Variants in ACTR2 observed in about 807,000 individuals in gnomAD.
The protein encoded by ACTR2 is actin-related protein 2.
ACTR2 carries 5 observed loss-of-function variants against 50.2 expected under a neutral mutation model. The ratio of observed to expected loss-of-function variants is 0.10; its 90% CI spans 0.05 to 0.21. ACTR2 has a LOEUF of 0.21. Among genes scored for constraint, ACTR2 ranks in the 10% least tolerant of loss-of-function variants. The pLI, the probability that ACTR2 is intolerant of heterozygous loss-of-function variation, is 1.00. For missense variants in ACTR2, 180 were observed against 480.6 expected, an observed-to-expected ratio of 0.37 and a Z score of 5.85; for synonymous variants, 140 against 162.9, an observed-to-expected ratio of 0.86 and a Z score of 1.07.
intron 8 of ACTR2, among the ~76,000 whole-genome samples, chr2:65,265,647 G>C (rs1196253268): frequency 1.3e-5 from 2 of 152,266 alleles, no homozygotes; most frequent in Admixed American, 1.3e-4. Flanking sequence ...TTGCATTCCG[G>C]TGACTGTCAT....
chr2:65,248,158 C>T (rs1264689703), intron 3 of ACTR2, among the ~76,000 whole-genome samples: 2 of 151,908 alleles, frequency 1.3e-5, no homozygotes, highest in Non-Finnish European at 2.9e-5. Flanking sequence ...CCCAGCACTT[C>T]TGGGAGGCCG....
chr2:65,263,455 TC>T (rs1250938093), intron 7 of ACTR2, among the ~76,000 whole-genome samples: 3 of 152,114 alleles, frequency 2.0e-5, no homozygotes, highest in African/African-American at 7.2e-5. Context: ...AGAAATCCCT[TC>T]TCTACACTCA....
chr2:65,251,520 C>T (rs1672050933), intron 4 of ACTR2, among the ~76,000 whole-genome samples: 1 of 152,162 alleles, frequency 6.6e-6, no homozygotes, highest in Admixed American at 6.5e-5. Flanking sequence ...TGCCACCACA[C>T]CTGGCTAATT....
chr2:65,235,059 G>A (rs926702770), intron 1 of ACTR2, among the ~76,000 whole-genome samples: 1 of 152,062 alleles, frequency 6.6e-6, no homozygotes, highest in African/African-American at 2.4e-5. Context: ...GGGAACAATA[G>A]GGATAATGAT....
At chr2:65,240,785 A>G (rs1051967990) in intron 2 of ACTR2, among the ~76,000 whole-genome samples, 17 of 152,146 alleles carry the variant, frequency 1.1e-4, no homozygotes, top group African/African-American at 4.1e-4. Context: ...ACACGCTAGC[A>G]TTGTTTGTCC....
chr2:65,237,527 C>T (rs1160419982), intron 1 of ACTR2, among the ~76,000 whole-genome samples: 1 of 152,036 alleles, frequency 6.6e-6, no homozygotes, highest in African/African-American at 2.4e-5. Flanking sequence ...CAGGTGTGAG[C>T]CACTGGGCCC....
At chr2:65,253,485 C>T (rs190410344) in intron 4 of ACTR2, among the ~76,000 whole-genome samples, 175 of 152,084 alleles carry the variant, frequency 1.2e-3, no homozygotes, top group African/African-American at 4.0e-3. Context: ...TTTCAGTCCT[C>T]AGTCTCAGGG....
At chr2:65,249,034 A>G (rs1671994396) in intron 3 of ACTR2, among the ~76,000 whole-genome samples, 3 of 152,190 alleles carry the variant, frequency 2.0e-5, no homozygotes, top group Admixed American at 1.3e-4. Context: ...AGAAAAAGAA[A>G]AAAAAAGTTA....
rs540926112 is a variant in ACTR2, at chr2:65,264,558, C to T, written c.882-485C>T. 5.3e-5 allele frequency among the ~76,000 whole-genome samples: 8 copies of T among 152,224 alleles called. No individual in the cohort carries two copies. In the East Asian group the frequency reaches 1.3e-3, roughly 26 times the overall value. On this transcript the variant is annotated intron_variant, in intron 7 of 8. Coordinates refer to ENST00000260641, the MANE Select transcript of ACTR2 (RefSeq NM_005722.4). The stretch of plus-strand genomic sequence containing the variant: ...GGGTACTGTATCAGAAAAGAGGGTA[C>T]TGCTATAAGAAGCATACACATCAGT...
At position 65,268,568 on chromosome 2, in the gene ACTR2, T is replaced by C; in HGVS notation, c.1019T>C (p.Phe340Ser). ...LKGDVEKLSK[F>S]KIRIEDPPRR... ...TATCCTTTCTTTCTCCTTTAGAAAT[T>C]TAAGATCCGCATTGAAGACCCACCC... is the stretch of plus-strand genomic sequence containing the variant. Residue 340 changes from phenylalanine (F) to serine (S), a missense_variant, in exon 9 of 9, where the codon TTT becomes TCT. By Grantham distance (155) the Phe-to-Ser change is radical. Coordinates refer to ENST00000260641, the MANE Select transcript of ACTR2 (RefSeq NM_005722.4). The C allele has an allele frequency of 6.2e-7, 1 of 1,611,080 alleles. No individual in the cohort carries two copies. Among genetic ancestry groups the C allele is most frequent in the Non-Finnish European group, 8.5e-7 (1 of 1,179,180 alleles).
chr2:65,266,333 G>A (rs1672372157), intron 8 of ACTR2, among the ~76,000 whole-genome samples: 1 of 152,188 alleles, frequency 6.6e-6, no homozygotes. Flanking sequence ...CCTAAGTTGA[G>A]CGTGAGAGGA....
chr2:65,254,842 A>G (rs1485073180), intron 5 of ACTR2, among the ~76,000 whole-genome samples: 1 of 152,252 alleles, frequency 6.6e-6, no homozygotes, highest in Non-Finnish European at 1.5e-5. Flanking sequence ...GATTAAATTA[A>G]TGAGAATTAT....
chr2:65,229,888 A>G (rs1444213603), intron 1 of ACTR2, among the ~76,000 whole-genome samples: 1 of 152,172 alleles, frequency 6.6e-6, no homozygotes. Context: ...AGAATGATTC[A>G]GTTTAAGTGT....
chr2:65,234,748 G>A (rs763573261), intron 1 of ACTR2, among the ~76,000 whole-genome samples: 6 of 152,136 alleles, frequency 3.9e-5, no homozygotes, highest in African/African-American at 1.4e-4. Flanking sequence ...CTTCTCTTAC[G>A]ATTTCTCACT....
chr2:65,240,078 A>G, intron 2 of ACTR2, 116 bp downstream of exon 2: 3 of 655,972 alleles, frequency 4.6e-6, no homozygotes, highest in Non-Finnish European at 5.1e-6. Flanking sequence ...AGCAAAGGGG[A>G]GGGTAGAAGT....
intron 6 of ACTR2, among the ~76,000 whole-genome samples, chr2:65,256,336 C>A (rs963365915): frequency 1.3e-5 from 2 of 152,064 alleles, no homozygotes; most frequent in Non-Finnish European, 2.9e-5. Flanking sequence ...AGATTTAGTA[C>A]CTGGTTATAG....
chr2:65,256,874 T>TAA (rs57631144), intron 6 of ACTR2, among the ~76,000 whole-genome samples: 6 of 134,276 alleles, frequency 4.5e-5, no homozygotes, highest in South Asian at 4.9e-4. Flanking sequence ...TCCATGTCGG[T>TAA]AAAAAAAAAA....
chr2:65,228,006 C>A, intron 1 of ACTR2, 49 bp downstream of exon 1: 1 of 1,469,074 alleles, frequency 6.8e-7, no homozygotes, highest in Non-Finnish European at 9.0e-7. Flanking sequence ...CCGGCGGGGA[C>A]GAGCAGCTGG....
chr2:65,244,211 A>G (rs1671892733), intron 2 of ACTR2, among the ~76,000 whole-genome samples: 1 of 152,200 alleles, frequency 6.6e-6, no homozygotes, highest in South Asian at 2.1e-4. Context: ...ACATTAAATA[A>G]AAAGTAAATT....
Sources: gnomAD v4.1 joint callset for allele counts (sites outside exome capture counted in the v4.1 genomes callset) on GRCh38, gnomAD v4.1.1 for gene constraint, MANE v1.5 for transcripts, NCBI Gene and HGNC (gene_info 2026-07-23, HGNC 2026-07-21) for gene names.